The following CFAP58 variants were observed in gnomAD, a reference collection of about 807,000 sequenced individuals.
The protein encoded by CFAP58 is cilia and flagella associated protein 58.
In CFAP58, 88 loss-of-function variants were observed where a neutral mutation model predicts 119.5. The ratio of observed to expected loss-of-function variants is 0.74; its 90% CI spans 0.62 to 0.88. The LOEUF (loss-of-function observed/expected upper bound fraction) is 0.88. CFAP58 is among the 40% of genes least tolerant of loss of function. CFAP58 has a pLI of 0.00. For synonymous variants in CFAP58, 365 were observed against 366.3 expected, an observed-to-expected ratio of 1.00 and a Z score of 0.04; for missense variants, 990 against 1,021.2, an observed-to-expected ratio of 0.97 and a Z score of 0.42.
At position 104,393,413 on chromosome 10, in the gene CFAP58, T is replaced by C. The variant is rs1440744634; in HGVS notation, c.1612T>C (p.Ser538Pro). The change falls in exon 11 of 18, where the codon TCC becomes CCC. Residue 538 changes from serine (S) to proline (P), a missense_variant. Physicochemically the swap from Ser to Pro is moderately conservative, Grantham distance 74. Transcript: ENST00000369704. Reference protein sequence around the residue: ...ELKEDISAKESALVKLHLEQQ... With the variant: ...ELKEDISAKEPALVKLHLEQQ... ...GAAAGAAGACATCTCTGCCAAAGAG[T>C]CCGCACTTGTGAAGCTGCACCTGGA... The C allele has an allele frequency of 6.2e-7, 1 of 1,613,792 alleles. No homozygotes were observed. Among genetic ancestry groups the C allele is most frequent in the Admixed American group, 1.7e-5 (1 of 59,970 alleles).
At chr10:104,344,669 T>A in the CFAP58 span, among the ~76,000 whole-genome samples, 1 of 151,374 alleles carries the variant, frequency 6.6e-6, no homozygotes, top group African/African-American at 2.5e-5. Flanking sequence ...AATGGTATCT[T>A]AGACTGGTCT....
intron 13 of CFAP58, among the ~76,000 whole-genome samples, chr10:104,403,246 C>T (rs1172232061): frequency 6.6e-6 from 1 of 152,018 alleles, no homozygotes; most frequent in African/African-American, 2.4e-5. Context: ...CTGGGAGTTC[C>T]CCTAGAGAAG....
At chr10:104,358,241 C>T in intron 1 of CFAP58, 100 bp from the exon 2 acceptor site, 3 of 1,246,612 alleles carry the variant, frequency 2.4e-6, no homozygotes, top group East Asian at 2.5e-5. Context: ...TAATTTTGCT[C>T]ATATGGAGGT....
the CFAP58 span, among the ~76,000 whole-genome samples, chr10:104,344,886 G>A: frequency 6.6e-6 from 1 of 151,968 alleles, no homozygotes; most frequent in Non-Finnish European, 1.5e-5. Context: ...GGTGGCTCAC[G>A]CCTGTAATCC....
intron 16 of CFAP58, 40 bp from the exon 17 acceptor site, chr10:104,450,031 A>G (rs372855680): frequency 6.4e-7 from 1 of 1,570,588 alleles, no homozygotes; most frequent in Non-Finnish European, 8.6e-7. Context: ...AGAAAAGGAT[A>G]TTGTATCTTT....
At chr10:104,434,435 G>T in intron 15 of CFAP58, among the ~76,000 whole-genome samples, 1 of 152,182 alleles carries the variant, frequency 6.6e-6, no homozygotes, top group East Asian at 1.9e-4. Flanking sequence ...GAGGCCTCAG[G>T]TCTCCTAAGT....
Position 104,376,887 on chromosome 10 carries a change from A to T in CFAP58, c.1167A>T (p.Leu389=). The change falls in exon 8 of 18, where the codon CTA becomes CTT. Residue 389 remains leucine, a synonymous_variant. Transcript: ENST00000369704. ...MDELLRERDI[L]NKNMLKAVNA... is the part of the protein sequence containing the mutation. The stretch of plus-strand genomic sequence containing the variant: ...AGCTTCTAAGAGAAAGGGACATACT[A>T]AATAAGGTGAGTGTGTTACAGTCAC... 1 of 1,609,262 alleles carries T rather than the reference A, an allele frequency of 6.2e-7. No individual in the cohort carries two copies. The highest frequency in any genetic ancestry group is 8.5e-7 in the Non-Finnish European group (1 of 1,175,902).
chr10:104,386,387 AAAAT>A (rs1188911059), intron 9 of CFAP58, among the ~76,000 whole-genome samples: 119 of 148,322 alleles, frequency 8.0e-4, no homozygotes, highest in Non-Finnish European at 7.9e-4. Context: ...CAAAAAAAAA[AAAAT>A]AAATAAATAA....
Position 104,354,024 on chromosome 10 carries a change from C to G in CFAP58, c.9+118C>G, listed in dbSNP as rs2014505901. ...TTTCCCCCCATCAACATCTTATTCC[C>G]CTGCACCCTCACTCACTCCCGCGCC... On this transcript the variant is annotated intron_variant, in intron 1 of 17. Coordinates refer to ENST00000369704, the MANE Select transcript of CFAP58 (RefSeq NM_001008723.2). 2.4e-6 allele frequency: 3 copies of G among 1,273,686 alleles called. No homozygotes were observed. In the African/African-American group the frequency reaches 4.4e-5, roughly 19 times the overall value. The allele number at this position is 1,273,686 out of a possible 1,614,324, so 78.9% of individuals were successfully genotyped here.
chr10:104,433,819 G>A (rs1589934660), intron 15 of CFAP58, among the ~76,000 whole-genome samples: 1 of 152,288 alleles, frequency 6.6e-6, no homozygotes, highest in Middle Eastern at 3.4e-3. Context: ...TGCTGAGTGG[G>A]CTTTCATTGC....
chr10:104,366,094 T>C, intron 5 of CFAP58, 86 bp downstream of exon 5: 4 of 1,242,918 alleles, frequency 3.2e-6, no homozygotes, highest in Non-Finnish European at 4.3e-6. Flanking sequence ...TTGAATTCTC[T>C]TGGAAAGCAG....
chr10:104,454,507 A>G lies in CFAP58; in HGVS notation c.2596A>G (p.Arg866Gly). ...TTTTACTGGGGGCGGATTTCCTCTC[A>G]GGTCAACCAAAATGACGTTCTAACC... is the stretch of plus-strand genomic sequence containing the variant. ...PGFTGGGFPL[R>G]STKMTF is the part of the protein sequence containing the mutation. The change falls in exon 18 of 18, where the codon AGG becomes GGG. Residue 866 changes from arginine to glycine, a missense_variant. Arg to Gly is a moderately radical substitution (Grantham distance 125). Coordinates refer to ENST00000369704, the MANE Select transcript of CFAP58 (RefSeq NM_001008723.2). 1.2e-6 allele frequency: 2 copies of G among 1,613,698 alleles called. No homozygotes were observed. The highest frequency in any genetic ancestry group is 1.7e-6 in the Non-Finnish European group (2 of 1,179,696).
chr10:104,386,199 G>A (rs1268288389), intron 9 of CFAP58, among the ~76,000 whole-genome samples: 3 of 151,390 alleles, frequency 2.0e-5, no homozygotes, highest in Non-Finnish European at 2.9e-5. Flanking sequence ...CCAACATGGT[G>A]AAACACCATT....
At chr10:104,403,166 G>GT (rs1219629491) in intron 13 of CFAP58, among the ~76,000 whole-genome samples, 2 of 152,188 alleles carry the variant, frequency 1.3e-5, no homozygotes, top group Admixed American at 1.3e-4. Flanking sequence ...CATAGGGGTA[G>GT]TTTCCCCCAT....
intron 15 of CFAP58, among the ~76,000 whole-genome samples, chr10:104,441,581 C>A (rs542676696): frequency 1.3e-5 from 2 of 152,266 alleles, no homozygotes; most frequent in East Asian, 3.9e-4. Context: ...GAAATAAAGT[C>A]CCTTGCAAAA....
intron 15 of CFAP58, among the ~76,000 whole-genome samples, chr10:104,433,709 G>T (rs1250696309): frequency 6.6e-6 from 1 of 152,162 alleles, no homozygotes; most frequent in Non-Finnish European, 1.5e-5. Context: ...ATTACTTGGG[G>T]TTATTTCAAC....
intron 15 of CFAP58, among the ~76,000 whole-genome samples, chr10:104,436,365 G>C (rs983588012): frequency 1.3e-5 from 2 of 152,150 alleles, no homozygotes; most frequent in Non-Finnish European, 2.9e-5. Flanking sequence ...GGCTGTTCTT[G>C]CATTGCTATG....
At chr10:104,353,154 A>C (rs1442588162), upstream of CFAP58, 1 of 152,138 alleles carries the variant, frequency 6.6e-6, no homozygotes, top group Admixed American at 6.5e-5. Context: ...AAGGGGGAGA[A>C]GAGGGCGAAG....
At chr10:104,365,278 T>G (rs901981402) in intron 4 of CFAP58, among the ~76,000 whole-genome samples, 1 of 152,158 alleles carries the variant, frequency 6.6e-6, no homozygotes, top group African/African-American at 2.4e-5. Flanking sequence ...TGAACACTTT[T>G]ACATAAAGCC....
Sources: gnomAD v4.1 joint callset for allele counts (sites outside exome capture counted in the v4.1 genomes callset) on GRCh38, gnomAD v4.1.1 for gene constraint, MANE v1.5 for transcripts, NCBI Gene and HGNC (gene_info 2026-07-23, HGNC 2026-07-21) for gene names.